The following CLSTN2 variants were observed in gnomAD, a reference collection of about 807,000 sequenced individuals.
CLSTN2 encodes calsyntenin 2, also known as calsyntenin-2.
In CLSTN2, 48 loss-of-function variants were observed where a neutral mutation model predicts 101.2. The ratio of observed to expected loss-of-function variants is 0.47; its 90% CI spans 0.38 to 0.60. CLSTN2 has a LOEUF of 0.60. Ranked by LOEUF, CLSTN2 falls within the 20% of genes least tolerant of loss-of-function variation. The probability of loss-of-function intolerance (pLI) is 0.00; values close to 1 mark genes in which losing one functional copy is unlikely to be tolerated. For synonymous variants in CLSTN2, 481 were observed against 463.6 expected (o/e 1.04, Z -0.48); for missense variants, 1,160 against 1,238.2 (o/e 0.94, Z 0.95).
At chr3:140,327,652 A>G (rs1373207856) in intron 2 of CLSTN2, among the ~76,000 whole-genome samples, 2 of 152,192 alleles carry the variant, frequency 1.3e-5, no homozygotes, top group Non-Finnish European at 2.9e-5. Context: ...CAGCTGTGTG[A>G]TCTGGGCAAG....
chr3:140,413,738 A>G (rs945683331), intron 4 of CLSTN2, among the ~76,000 whole-genome samples: 3 of 152,212 alleles, frequency 2.0e-5, no homozygotes, highest in Non-Finnish European at 4.4e-5. Flanking sequence ...GGATGCAAAG[A>G]AAGTTCAACA....
chr3:140,023,258 G>T (rs140858005), intron 1 of CLSTN2, among the ~76,000 whole-genome samples: 2 of 152,264 alleles, frequency 1.3e-5, no homozygotes, highest in East Asian at 3.9e-4. Context: ...GCTGCATCCT[G>T]CCCTGTGTCA....
In CLSTN2 at chr3:140,065,245, C is replaced by T. The variant is rs555635861; in HGVS notation, c.110-110706C>T. On this transcript the variant is annotated intron_variant, in intron 1 of 16. Coordinates refer to ENST00000458420, the MANE Select transcript of CLSTN2 (RefSeq NM_022131.3). ...GTGTGGAAGGTGAGGCCAGGTGAGC[C>T]GAAGGTCTGGGATGATTGGATTTGG... Among the ~76,000 whole-genome samples, 7 of 152,270 alleles carry T rather than the reference C, an allele frequency of 4.6e-5. No individual in the cohort carries two copies. The East Asian group carries it at 9.6e-4, about 21-fold the overall frequency.
intron 5 of CLSTN2, among the ~76,000 whole-genome samples, chr3:140,438,992 C>A (rs894182463): frequency 2.6e-5 from 4 of 152,236 alleles, no homozygotes; most frequent in South Asian, 2.1e-4. Flanking sequence ...TGACCCACGG[C>A]CCCCCAGACA....
chr3:140,053,222 C>T (rs77848769), intron 1 of CLSTN2, among the ~76,000 whole-genome samples: 2,366 of 152,294 alleles, frequency 0.016, 57 homozygotes, highest in African/African-American at 0.052. Flanking sequence ...GGTAATTTCA[C>T]GCTTCTGGCT....
At chr3:140,102,273 A>G (rs1298668131) in intron 1 of CLSTN2, among the ~76,000 whole-genome samples, 1 of 152,206 alleles carries the variant, frequency 6.6e-6, no homozygotes, top group Non-Finnish European at 1.5e-5. Flanking sequence ...TGGAGTTGAC[A>G]TCCCCAAAGA....
intron 8 of CLSTN2, among the ~76,000 whole-genome samples, chr3:140,483,668 T>C (rs1204349044): frequency 2.6e-5 from 4 of 152,102 alleles, no homozygotes; most frequent in Non-Finnish European, 4.4e-5. Context: ...TAGCTCTTCT[T>C]GTTGAATTGA....
At chr3:140,161,696 C>T (rs1338009250) in intron 1 of CLSTN2, among the ~76,000 whole-genome samples, 1 of 151,964 alleles carries the variant, frequency 6.6e-6, no homozygotes, top group Admixed American at 6.6e-5. Context: ...CTCCTACTGT[C>T]CCTTTCTTCT....
At chr3:140,515,819 T>C (rs946161806) in intron 8 of CLSTN2, among the ~76,000 whole-genome samples, 1 of 152,186 alleles carries the variant, frequency 6.6e-6, no homozygotes. Context: ...CATGTGCCGA[T>C]GAGTAGAATG....
At chr3:140,197,367 A>G (rs990459072) in intron 2 of CLSTN2, among the ~76,000 whole-genome samples, 1 of 152,210 alleles carries the variant, frequency 6.6e-6, no homozygotes, top group Non-Finnish European at 1.5e-5. Flanking sequence ...GACTATACAT[A>G]TATGTGAATC....
chr3:140,340,080 G>C (rs778560361), intron 2 of CLSTN2, among the ~76,000 whole-genome samples: 9 of 152,034 alleles, frequency 5.9e-5, no homozygotes, highest in African/African-American at 1.4e-4. Context: ...GAAGGGAATG[G>C]CATATAATAT....
intron 4 of CLSTN2, among the ~76,000 whole-genome samples, chr3:140,408,448 G>T (rs1461978676): frequency 6.6e-6 from 1 of 152,148 alleles, no homozygotes; most frequent in Non-Finnish European, 1.5e-5. Flanking sequence ...GACCCCAGCT[G>T]TCTTCTACCC....
At chr3:140,347,158 A>G (rs2087556789) in intron 2 of CLSTN2, among the ~76,000 whole-genome samples, 1 of 152,218 alleles carries the variant, frequency 6.6e-6, no homozygotes, top group African/African-American at 2.4e-5. Flanking sequence ...GGTTTTCTCA[A>G]TAAACACCAC....
At chr3:140,191,089 T>C (rs1181966559) in intron 2 of CLSTN2, among the ~76,000 whole-genome samples, 1 of 152,096 alleles carries the variant, frequency 6.6e-6, no homozygotes, top group Non-Finnish European at 1.5e-5. Flanking sequence ...GGCAGTTCTT[T>C]ATTTTTGGGT....
intron 1 of CLSTN2, among the ~76,000 whole-genome samples, chr3:140,002,342 T>C (rs1367971566): frequency 6.6e-6 from 1 of 152,254 alleles, no homozygotes; most frequent in Non-Finnish European, 1.5e-5. Flanking sequence ...ATATGCCTGT[T>C]TATCATTTGT....
chr3:140,228,570 C>T (rs768177060), intron 2 of CLSTN2, among the ~76,000 whole-genome samples: 1 of 152,198 alleles, frequency 6.6e-6, no homozygotes, highest in Admixed American at 6.5e-5. Context: ...TTCAGCAGCA[C>T]CCCACTCTTG....
chr3:140,218,989 T>C (rs1251712410), intron 2 of CLSTN2, among the ~76,000 whole-genome samples: 1 of 152,140 alleles, frequency 6.6e-6, no homozygotes, highest in Admixed American at 6.5e-5. Flanking sequence ...GAGGTTGTTA[T>C]AGGTGTCACG....
intron 4 of CLSTN2, among the ~76,000 whole-genome samples, chr3:140,405,316 G>T (rs557238950): frequency 6.1e-4 from 92 of 151,802 alleles, no homozygotes; most frequent in African/African-American, 2.2e-3. Flanking sequence ...CAACCTCCAC[G>T]TCCTGGGTTC....
chr3:140,556,132 C>T (rs1310476436), intron 10 of CLSTN2, among the ~76,000 whole-genome samples: 5 of 152,210 alleles, frequency 3.3e-5, no homozygotes, highest in Non-Finnish European at 4.4e-5. Flanking sequence ...AAGACAAAGA[C>T]AGCAAAAGGA....
Sources: gnomAD v4.1 joint callset for allele counts (sites outside exome capture counted in the v4.1 genomes callset) on GRCh38, gnomAD v4.1.1 for gene constraint, MANE v1.5 for transcripts, NCBI Gene and HGNC (gene_info 2026-07-23, HGNC 2026-07-21) for gene names.